ABLIM2: variants seen among roughly 807,000 people sequenced by gnomAD.
The protein encoded by ABLIM2 is actin-binding LIM protein 2.
In ABLIM2, 53 loss-of-function variants were observed where a neutral mutation model predicts 97.7. The observed-to-expected ratio is 0.54, with a 90% CI of 0.44 to 0.68. The LOEUF is 0.68. ABLIM2 is among the 30% of genes least tolerant of loss of function. The pLI is 0.00. For synonymous variants in ABLIM2, 361 were observed against 345.8 expected, an observed-to-expected ratio of 1.04 and a Z score of -0.49; for missense variants, 835 against 867.2, an observed-to-expected ratio of 0.96 and a Z score of 0.47.
rs891919382 is a variant in ABLIM2, at chr4:7,966,214, G to A, written c.*776C>T. On this transcript the variant is annotated 3_prime_UTR_variant, in exon 21 of 21. Coordinates refer to ENST00000447017, the MANE Select transcript of ABLIM2 (RefSeq NM_001130083.2). ...TGAAACCACACAGATCCGAGCGGTG[G>A]AGAATAAGGCTGGAGGCCGCTCCCC... The A allele has an allele frequency of 6.6e-6, 1 of 152,632 alleles. No homozygotes were observed. The highest frequency in any genetic ancestry group is 1.9e-4 in the East Asian group (1 of 5,188). The allele number at this position is 152,632 out of a possible 1,614,324, so 9.5% of individuals were successfully genotyped here.
At position 8,095,635 on chromosome 4, in the gene ABLIM2, T is replaced by G. The variant is rs1831169677; in HGVS notation, c.338+1464A>C. On this transcript the variant is annotated intron_variant, in intron 3 of 20. Coordinates refer to ENST00000447017, the MANE Select transcript of ABLIM2 (RefSeq NM_001130083.2). This position sits in a 1 kb window ranked among gnomAD's most constrained non-coding sequence, Gnocchi z 4.7. ...CTGGTCTCAAGCGATCCTCCTACCT[T>G]GGCCTCCCGAGGTGCTGGATTACGG... Among the ~76,000 whole-genome samples, 1 of 152,160 alleles carries G rather than the reference T, an allele frequency of 6.6e-6. No homozygotes were observed. The highest frequency in any genetic ancestry group is 1.5e-5 in the Non-Finnish European group (1 of 68,026).
rs1362549174 is a variant in ABLIM2 at position 8,043,949 on chromosome 4, C to T, written c.900+1215G>A. On this transcript the variant is annotated intron_variant, in intron 9 of 20. Coordinates refer to ENST00000447017, the MANE Select transcript of ABLIM2 (RefSeq NM_001130083.2). This position sits in a 1 kb window ranked among gnomAD's most constrained non-coding sequence, Gnocchi z 4.8. Reference sequence around the variant, plus strand: ...ATGCAGCCAACCTGGTGCCTTCATGCGCCCGCCTAAGCTTCAGAGTGCACA... The same window carrying T: ...ATGCAGCCAACCTGGTGCCTTCATGTGCCCGCCTAAGCTTCAGAGTGCACA... Among the ~76,000 whole-genome samples the T allele has an allele frequency of 3.3e-5, 5 of 152,034 alleles. No individual in the cohort carries two copies. Among genetic ancestry groups the T allele is most frequent in the East Asian group, 3.9e-4 (2 of 5,158 alleles).
Position 7,996,179 on chromosome 4 carries a change from G to A in ABLIM2, c.1619-3252C>T, listed in dbSNP as rs575081929. Among the ~76,000 whole-genome samples, 33 of 152,320 alleles carry A rather than the reference G, an allele frequency of 2.2e-4. No individual in the cohort carries two copies. The highest frequency in any genetic ancestry group is 7.2e-4 in the African/African-American group (30 of 41,572). On this transcript the variant is annotated intron_variant, in intron 16 of 20. Coordinates refer to ENST00000447017, the MANE Select transcript of ABLIM2 (RefSeq NM_001130083.2). This position sits in a 1 kb window ranked among gnomAD's most constrained non-coding sequence, Gnocchi z 4.5. ...CAGCCCCAACCTTGCCAGGGAACTCGTCAGAAATGCAAATTAGTGGGCCCT... is the reference window on the plus strand; with the variant it reads ...CAGCCCCAACCTTGCCAGGGAACTCATCAGAAATGCAAATTAGTGGGCCCT...
At chr4:7,984,503 G>A (rs1741806883) in intron 18 of ABLIM2, among the ~76,000 whole-genome samples, 1 of 152,266 alleles carries the variant, frequency 6.6e-6, no homozygotes, top group Non-Finnish European at 1.5e-5. Context: ...GGCGCAGGCA[G>A]GGTTTGGCCC....
intron 20 of ABLIM2, among the ~76,000 whole-genome samples, chr4:7,975,104 G>A (rs868810225): frequency 8.5e-5 from 13 of 152,192 alleles, no homozygotes; most frequent in African/African-American, 2.9e-4. Flanking sequence ...TGTAGTCCCA[G>A]CTACTCAGGA....
At position 7,966,874 on chromosome 4, in the gene ABLIM2, C is replaced by T; in HGVS notation, c.*116G>A. On this transcript the variant is annotated 3_prime_UTR_variant, in exon 21 of 21. Transcript: ENST00000447017. Reference sequence around the variant, plus strand: ...ACCTGCTGGGGGACCCCCTCCCGCCCACCCCATGGACACAGAGAAGCCAGA... The same window carrying T: ...ACCTGCTGGGGGACCCCCTCCCGCCTACCCCATGGACACAGAGAAGCCAGA... 4.2e-6 allele frequency: 1 copy of T among 240,078 alleles called. No homozygotes were observed. The highest frequency in any genetic ancestry group is 8.4e-6 in the Non-Finnish European group (1 of 119,072). The allele number at this position is 240,078 out of a possible 1,614,324, so 14.9% of individuals were successfully genotyped here.
rs530984190 is a variant in ABLIM2, at chr4:8,153,521, CA to C, written c.10+5158del. Among the ~76,000 whole-genome samples the C allele has an allele frequency of 4.4e-3, 673 of 152,280 alleles. 6 individuals carry two copies. The highest frequency in any genetic ancestry group is 0.014 in the African/African-American group (595 of 41,538). ...TACAATCTCAGATGAATTTCTGGGTCAGGGGGGTCTGGCTTCTGCTGCACCT... is the reference window on the plus strand; with the variant it reads ...TACAATCTCAGATGAATTTCTGGGTCGGGGGGTCTGGCTTCTGCTGCACCT... On this transcript the variant is annotated intron_variant, in intron 1 of 20. Transcript: ENST00000447017.
intron 7 of ABLIM2, among the ~76,000 whole-genome samples, chr4:8,055,079 A>C (rs186908580): frequency 2.6e-5 from 4 of 151,872 alleles, no homozygotes; most frequent in Non-Finnish European, 4.4e-5. Context: ...GAATAGAGCT[A>C]ATAAGAATTC....
intron 1 of ABLIM2, among the ~76,000 whole-genome samples, chr4:8,154,194 C>T (rs1240702402): frequency 6.6e-6 from 1 of 151,406 alleles, no homozygotes; most frequent in Non-Finnish European, 1.5e-5. Flanking sequence ...CATCTCCTGA[C>T]CTTGTGATCC....
chr4:8,096,543 C>T (rs1466407263), intron 3 of ABLIM2, among the ~76,000 whole-genome samples: 7 of 152,214 alleles, frequency 4.6e-5, no homozygotes, highest in East Asian at 1.9e-4. Flanking sequence ...TTTCTGTCTC[C>T]GGCACACGCT....
rs1392501509 is a variant in ABLIM2, at chr4:8,032,907, T to G, written c.1048-3131A>C. On this transcript the variant is annotated intron_variant, in intron 10 of 20. Coordinates refer to ENST00000447017, the MANE Select transcript of ABLIM2 (RefSeq NM_001130083.2). The surrounding 1 kb of genome is among the most constrained non-coding windows in gnomAD (Gnocchi z 4.3). ...CAGAGAAAGAGGCCCCCGGGGAAAC[T>G]GATTTCGTGCCAATGAGCCCAGAGC... 2.6e-5 allele frequency among the ~76,000 whole-genome samples: 4 copies of G among 152,144 alleles called. No homozygotes were observed. The highest frequency in any genetic ancestry group is 9.7e-5 in the African/African-American group (4 of 41,418).
chr4:8,145,914 C>T (rs1851733420), intron 1 of ABLIM2, among the ~76,000 whole-genome samples: 1 of 152,044 alleles, frequency 6.6e-6, no homozygotes, highest in African/African-American at 2.4e-5. Context: ...AGGCTGACAG[C>T]TGCTTCCTAA....
intron 1 of ABLIM2, among the ~76,000 whole-genome samples, chr4:8,135,915 A>G (rs984729866): frequency 1.3e-5 from 2 of 152,228 alleles, no homozygotes; most frequent in Non-Finnish European, 2.9e-5. Context: ...AGTGCTGTGC[A>G]TGAGGCCTGG....
intron 20 of ABLIM2, among the ~76,000 whole-genome samples, chr4:7,972,909 T>A (rs1729293009): frequency 2.0e-5 from 3 of 152,100 alleles, no homozygotes; most frequent in Admixed American, 2.0e-4. Flanking sequence ...TGGATGAGTT[T>A]AAACAAAGGA....
chr4:8,037,905 G>C (rs901069229), intron 9 of ABLIM2, among the ~76,000 whole-genome samples: 1 of 152,224 alleles, frequency 6.6e-6, no homozygotes, highest in African/African-American at 2.4e-5. Context: ...GGTGTGTGCT[G>C]CCCTCTGCTC....
chr4:8,120,653 GCT>G lies in ABLIM2; in HGVS notation c.11-14018_11-14017del, dbSNP rs1844993141. Among the ~76,000 whole-genome samples, 2 of 152,204 alleles carry G rather than the reference GCT, an allele frequency of 1.3e-5. No homozygotes were observed. The highest frequency in any genetic ancestry group is 4.8e-5 in the African/African-American group (2 of 41,446). ...CTGCCAGTCCAGCCCCCATCTGTGT[GCT>G]CTGTCGTGGGAGCATGGGAAACCAG... On this transcript the variant is annotated intron_variant, in intron 1 of 20. Transcript: ENST00000447017. The surrounding 1 kb of genome is among the most constrained non-coding windows in gnomAD (Gnocchi z 5.6).
chr4:8,154,905 A>AG (rs998044369), intron 1 of ABLIM2, among the ~76,000 whole-genome samples: 1 of 152,232 alleles, frequency 6.6e-6, no homozygotes, highest in Admixed American at 6.5e-5. Flanking sequence ...AAGACGAAGG[A>AG]GGGGCAAAGG....
Position 8,095,502 on chromosome 4 carries a change from G to T in ABLIM2, c.338+1597C>A, listed in dbSNP as rs182975875. 6.6e-6 allele frequency among the ~76,000 whole-genome samples: 1 copy of T among 152,312 alleles called. No homozygotes were observed. On this transcript the variant is annotated intron_variant, in intron 3 of 20. Coordinates refer to ENST00000447017, the MANE Select transcript of ABLIM2 (RefSeq NM_001130083.2). The surrounding 1 kb of genome is among the most constrained non-coding windows in gnomAD (Gnocchi z 4.7). ...CTTCTTGTGAAAAGTGTTGGGCTTT[G>T]CTCTGGCAGACAGTTTATTTGCAGA...
At chr4:7,983,653 C>T (rs1740855542) in intron 18 of ABLIM2, 99 bp from the exon 19 acceptor site, 1 of 1,429,656 alleles carries the variant, frequency 7.0e-7, no homozygotes, top group Non-Finnish European at 9.7e-7. Flanking sequence ...CCCTGTCTCC[C>T]CCCTGCAGTC....
Sources: gnomAD v4.1 joint callset for allele counts (sites outside exome capture counted in the v4.1 genomes callset) on GRCh38, gnomAD v4.1.1 for gene constraint, Gnocchi (gnomAD v3.1) non-coding constraint, MANE v1.5 for transcripts, NCBI Gene and HGNC (gene_info 2026-07-23, HGNC 2026-07-21) for gene names.